ATG7: variants seen among roughly 807,000 people sequenced by gnomAD.
ATG7 encodes the protein ubiquitin-like modifier-activating enzyme ATG7.
A neutral mutation model predicts 82.4 loss-of-function variants in ATG7; 70 were observed. The ratio of observed to expected loss-of-function variants is 0.85; its 90% CI spans 0.70 to 1.04. The LOEUF (loss-of-function observed/expected upper bound fraction) is 1.04, where lower values mean the gene tolerates loss of function less well. Ranked by LOEUF, ATG7 falls within the 50% of genes least tolerant of loss-of-function variation. The pLI, the probability that ATG7 is intolerant of heterozygous loss-of-function variation, is 0.00. For synonymous variants in ATG7, 287 were observed against 313.0 expected, an observed-to-expected ratio of 0.92 and a Z score of 0.88; for missense variants, 792 against 864.3, an observed-to-expected ratio of 0.92 and a Z score of 1.05.
intron 8 of ATG7, 47 bp downstream of exon 8, chr3:11,313,467 A>C (rs1244722271): frequency 7.3e-7 from 1 of 1,375,764 alleles, no homozygotes; most frequent in Non-Finnish European, 1.0e-6. Flanking sequence ...TTGAATGTGC[A>C]AGAGTAGTTA....
chr3:11,327,636 T>C (rs1446972848), intron 9 of ATG7, among the ~76,000 whole-genome samples: 1 of 152,190 alleles, frequency 6.6e-6, no homozygotes, highest in Non-Finnish European at 1.5e-5. Context: ...TGAGGATCTT[T>C]TAAAATGACC....
chr3:11,512,667 G>A (rs769990910), intron 20 of ATG7, among the ~76,000 whole-genome samples: 17 of 152,148 alleles, frequency 1.1e-4, no homozygotes, highest in Non-Finnish European at 1.8e-4. Context: ...AGACCTTCAC[G>A]GTGAGTGTTA....
At chr3:11,496,236 A>G (rs1472365658) in intron 20 of ATG7, among the ~76,000 whole-genome samples, 3 of 152,180 alleles carry the variant, frequency 2.0e-5, no homozygotes, top group African/African-American at 4.8e-5. Context: ...ATTCTCTCCA[A>G]GCGTTTCCAC....
intron 20 of ATG7, among the ~76,000 whole-genome samples, chr3:11,548,921 C>T (rs189430593): frequency 6.6e-6 from 1 of 152,226 alleles, no homozygotes; most frequent in Non-Finnish European, 1.5e-5. Context: ...CCGTAGGAAT[C>T]GTGGCTGTTG....
At chr3:11,544,160 T>C (rs1001326638) in intron 20 of ATG7, among the ~76,000 whole-genome samples, 2 of 152,226 alleles carry the variant, frequency 1.3e-5, no homozygotes, top group African/African-American at 4.8e-5. Flanking sequence ...TCTGGATTCA[T>C]TGTGAGAGTA....
intron 20 of ATG7, among the ~76,000 whole-genome samples, chr3:11,478,673 G>A (rs2088549115): frequency 6.6e-6 from 1 of 152,146 alleles, no homozygotes; most frequent in Non-Finnish European, 1.5e-5. Flanking sequence ...ATAGAAAAAA[G>A]CCCCAAAAGG....
chr3:11,569,580 G>A, the ATG7 span, among the ~76,000 whole-genome samples: 13 of 152,358 alleles, frequency 8.5e-5, no homozygotes, highest in African/African-American at 2.6e-4. Flanking sequence ...AGGAGGGGCC[G>A]GCACAGGGCC....
At chr3:11,570,554 C>G in the ATG7 span, among the ~76,000 whole-genome samples, 2 of 152,186 alleles carry the variant, frequency 1.3e-5, no homozygotes, top group South Asian at 2.1e-4. Context: ...ACCAGATGTT[C>G]TAATAACTGT....
chr3:11,479,028 A>ACACACC (rs2088612211), intron 20 of ATG7, among the ~76,000 whole-genome samples: 2 of 151,852 alleles, frequency 1.3e-5, no homozygotes, highest in African/African-American at 4.8e-5. Context: ...ACACACACAC[A>ACACACC]CACACACACA....
At chr3:11,349,134 T>C (rs1009915396) in intron 14 of ATG7, among the ~76,000 whole-genome samples, 23 of 151,830 alleles carry the variant, frequency 1.5e-4, no homozygotes, top group African/African-American at 5.6e-4. Context: ...AGAGTGCTGA[T>C]TGGTGCATTT....
intron 20 of ATG7, among the ~76,000 whole-genome samples, chr3:11,487,564 A>G (rs79031568): frequency 0.026 from 23 of 872 alleles, no homozygotes; most frequent in Non-Finnish European, 0.049. Flanking sequence ...CTCACCTCCC[A>G]GACGGGGCGG....
chr3:11,301,475 CT>C (rs1474777877), intron 5 of ATG7, among the ~76,000 whole-genome samples: 1 of 152,166 alleles, frequency 6.6e-6, no homozygotes, highest in East Asian at 1.9e-4. Flanking sequence ...AAAATCAATA[CT>C]TTTTTTCCCT....
intron 19 of ATG7, among the ~76,000 whole-genome samples, chr3:11,383,463 C>G (rs1040285870): frequency 6.6e-6 from 1 of 152,026 alleles, no homozygotes; most frequent in African/African-American, 2.4e-5. Flanking sequence ...CTAGTTTTCC[C>G]TTTTCCATAT....
At chr3:11,327,280 T>G (rs1378204582) in intron 9 of ATG7, among the ~76,000 whole-genome samples, 3 of 152,246 alleles carry the variant, frequency 2.0e-5, no homozygotes, top group Non-Finnish European at 4.4e-5. Flanking sequence ...AAATGCTTGT[T>G]TCTCCATATT....
intron 7 of ATG7, among the ~76,000 whole-genome samples, chr3:11,311,250 G>T (rs942923541): frequency 4.6e-5 from 7 of 152,038 alleles, no homozygotes; most frequent in African/African-American, 1.5e-4. Flanking sequence ...ATCCTGAAAA[G>T]AATCCTAAGA....
At chr3:11,510,648 A>G (rs941283026) in intron 20 of ATG7, among the ~76,000 whole-genome samples, 11 of 152,126 alleles carry the variant, frequency 7.2e-5, no homozygotes, top group Non-Finnish European at 1.5e-4. Context: ...CTTTCTTTAC[A>G]TCCTCTTCCC....
chr3:11,339,998 G>A (rs184414363), intron 11 of ATG7, among the ~76,000 whole-genome samples: 13 of 152,318 alleles, frequency 8.5e-5, no homozygotes, highest in African/African-American at 2.9e-4. Context: ...CACACTTTGG[G>A]AACTGCTAGA....
rs1553652380 is a variant in ATG7, at chr3:11,417,800, A to ATTATTTTTTTTTTT, written c.1957-9002_1957-9001insATTTTTTTTTTTTT. On this transcript the variant is annotated intron_variant, in intron 19 of 20. Transcript: ENST00000693202. ...CATTTAAAAAATTATTATTATTATT[A>ATTATTTTTTTTTTT]TTTTATTTTATTTTATTTTTTTTTT... 2.2e-4 allele frequency among the ~76,000 whole-genome samples: 24 copies of ATTATTTTTTTTTTT among 109,342 alleles called. 1 individual carries two copies. Among genetic ancestry groups the ATTATTTTTTTTTTT allele is most frequent in the Admixed American group, 1.4e-3 (13 of 9,342 alleles). The allele number at this position is 109,342 out of a possible 152,430, so 71.7% of individuals were successfully genotyped here. A position where few individuals can be genotyped will look rare whatever the true frequency, so the allele number is the denominator to read the frequency against.
intron 20 of ATG7, among the ~76,000 whole-genome samples, chr3:11,491,286 C>G (rs1007027771): frequency 3.3e-5 from 5 of 152,190 alleles, no homozygotes; most frequent in African/African-American, 1.2e-4. Context: ...CTTCTGCATT[C>G]TTCACGTAGT....
Sources: gnomAD v4.1 joint callset for allele counts (sites outside exome capture counted in the v4.1 genomes callset) on GRCh38, gnomAD v4.1.1 for gene constraint, MANE v1.5 for transcripts, NCBI Gene and HGNC (gene_info 2026-07-23, HGNC 2026-07-21) for gene names.